Variants in PARP15 observed in about 807,000 individuals in gnomAD.
PARP15 encodes the protein poly(ADP-ribose) polymerase family member 15, also known as protein mono-ADP-ribosyltransferase PARP15.
A neutral mutation model predicts 62.1 loss-of-function variants in PARP15; 50 were observed. The observed-to-expected ratio is 0.81, with a 90% CI of 0.64 to 1.02. PARP15 has a LOEUF of 1.02. Among genes scored for constraint, PARP15 ranks in the 50% least tolerant of loss-of-function variants. The probability of loss-of-function intolerance (pLI) is 0.00; values close to 1 mark genes in which losing one functional copy is unlikely to be tolerated. For missense variants in PARP15, 820 were observed against 826.5 expected (o/e 0.99, Z 0.10); for synonymous variants, 309 against 293.1 (o/e 1.05, Z -0.55).
In PARP15 at chr3:122,615,765, G is replaced by A; in HGVS notation, c.772-14G>A. The A allele has an allele frequency of 6.2e-7, 1 of 1,609,868 alleles. No individual in the cohort carries two copies. The highest frequency in any genetic ancestry group is 8.5e-7 in the Non-Finnish European group (1 of 1,176,246). ...CACAATATTGTTGTAGTCAGTAACT[G>A]TTTCTATTTCCAGGCATTTTTAGAT... On this transcript the variant is annotated splice_polypyrimidine_tract_variant and intron_variant, in intron 4 of 11. Transcript: ENST00000464300.
chr3:122,637,466 G>A lies in PARP15; in HGVS notation c.*1366G>A, dbSNP rs1257094257. The stretch of plus-strand genomic sequence containing the variant: ...TCCTCTTACTGATGGTAGCCTTTCA[G>A]ATCCATCCCTTCCCTCCAGTATATT... On this transcript the variant is annotated 3_prime_UTR_variant, in exon 12 of 12. Coordinates refer to ENST00000464300, the MANE Select transcript of PARP15 (RefSeq NM_001113523.3). The A allele has an allele frequency of 6.6e-6, 1 of 152,136 alleles. No individual in the cohort carries two copies. Among genetic ancestry groups the A allele is most frequent in the Non-Finnish European group, 1.5e-5 (1 of 68,026 alleles). 9.4% of individuals were successfully genotyped at this position (152,136 alleles called of 1,614,324 possible). A position where few individuals can be genotyped will look rare whatever the true frequency, so the allele number is the denominator to read the frequency against.
At chr3:122,623,631 A>G (rs571305457) in intron 8 of PARP15, among the ~76,000 whole-genome samples, 3 of 152,330 alleles carry the variant, frequency 2.0e-5, no homozygotes, top group African/African-American at 4.8e-5. Flanking sequence ...GTGGGAGGCC[A>G]TGAAATGCTT....
chr3:122,583,114 C>CTTTTTTTTTTTTTTTTTTTT (rs67942585), intron 1 of PARP15, among the ~76,000 whole-genome samples: 1 of 83,444 alleles, frequency 1.2e-5, no homozygotes. Flanking sequence ...TCATCTGTAT[C>CTTTTTTTTTTTTTTTTTTTT]TTTTTTTTTT....
At chr3:122,601,630 T>C (rs541589100) in intron 1 of PARP15, among the ~76,000 whole-genome samples, 4 of 152,378 alleles carry the variant, frequency 2.6e-5, no homozygotes, top group Admixed American at 6.5e-5. Flanking sequence ...CTAAATAATA[T>C]TCTATCGTAT....
rs765815698 is a variant in PARP15 at position 122,617,023 on chromosome 3, G to A, written c.859G>A (p.Gly287Arg). ...ATTTTCTTTCTTTTCAGGTGTGGTC[G>A]GGACTGTCTCTAAGCCTTGTTTCAC... The part of the protein sequence containing the change: ...PMAGDTQGVV[G>R]TVSKPCFTAY... The change falls in exon 6 of 12, where the codon GGG (glycine) becomes AGG (arginine). Residue 287 changes from glycine (G) to arginine (R), a missense_variant. This residue lies in a region of PARP15 where 731 missense variants were observed against 727.7 expected (regional missense o/e 1.00). Transcript: ENST00000464300. The A allele has an allele frequency of 2.4e-5, 38 of 1,613,946 alleles. No homozygotes were observed. Among genetic ancestry groups the A allele is most frequent in the East Asian group, 1.6e-4 (7 of 44,894 alleles).
chr3:122,621,724 T>A, intron 8 of PARP15, 113 bp downstream of exon 8: 1 of 1,021,764 alleles, frequency 9.8e-7, no homozygotes, highest in Non-Finnish European at 1.3e-6. Flanking sequence ...AACAATGATG[T>A]AAATCAGAGA....
intron 1 of PARP15, chr3:122,594,804 A>G: frequency 1.0e-6 from 1 of 982,074 alleles, no homozygotes; most frequent in Non-Finnish European, 1.2e-6. Context: ...GCAACTTCAG[A>G]TTTCCTCAGA....
At position 122,606,148 on chromosome 3, in the gene PARP15, C is replaced by G. The variant is rs557156586; in HGVS notation, c.306+93C>G. Reference sequence around the variant, plus strand: ...TTCCATGATTTAATTTGTTCTTTATCTTAATCAAAGATTAAAGATATCAAA... The same window carrying G: ...TTCCATGATTTAATTTGTTCTTTATGTTAATCAAAGATTAAAGATATCAAA... On this transcript the variant is annotated intron_variant, in intron 2 of 11. Coordinates refer to ENST00000464300, the MANE Select transcript of PARP15 (RefSeq NM_001113523.3). 1,219 of 1,375,414 alleles carry G rather than the reference C, an allele frequency of 8.9e-4. 2 individuals carry two copies. The highest frequency in any genetic ancestry group is 1.0e-3 in the Non-Finnish European group (1,033 of 1,025,228). The allele number at this position is 1,375,414 out of a possible 1,614,324, so 85.2% of individuals were successfully genotyped here. A position where few individuals can be genotyped will look rare whatever the true frequency, so the allele number is the denominator to read the frequency against.
intron 2 of PARP15, among the ~76,000 whole-genome samples, chr3:122,606,919 A>C (rs1460138120): frequency 1.3e-5 from 2 of 152,172 alleles, no homozygotes; most frequent in Non-Finnish European, 2.9e-5. Flanking sequence ...ACTCTTCTGG[A>C]TTGTGAGCCA....
At chr3:122,633,396 G>T (rs901534530) in intron 10 of PARP15, among the ~76,000 whole-genome samples, 20 of 152,200 alleles carry the variant, frequency 1.3e-4, no homozygotes, top group African/African-American at 4.3e-4. Flanking sequence ...GGTGTTAAAA[G>T]CTGTTGGAAG....
chr3:122,578,188 T>G (rs554540491), intron 1 of PARP15, among the ~76,000 whole-genome samples: 39 of 152,034 alleles, frequency 2.6e-4, no homozygotes, highest in Non-Finnish European at 4.3e-4. Context: ...ATGGGGGGCT[T>G]TTGTTTCTCT....
In PARP15 at chr3:122,599,528, C is replaced by A. The variant is rs575097689; in HGVS notation, c.187-6408C>A. ...TCCTCGAATTTCTCTTTTTTCTTTT[C>A]TTTCCTTTCCTTTCTCTCTCTTTCT... On this transcript the variant is annotated intron_variant, in intron 1 of 11. Coordinates refer to ENST00000464300, the MANE Select transcript of PARP15 (RefSeq NM_001113523.3). 2.0e-3 allele frequency among the ~76,000 whole-genome samples: 15 copies of A among 7,406 alleles called. No homozygotes were observed. The East Asian group carries it at 0.093, about 46-fold the overall frequency. The allele number at this position is 7,406 out of a possible 152,430, so 4.9% of individuals were successfully genotyped here. A position where few individuals can be genotyped will look rare whatever the true frequency, so the allele number is the denominator to read the frequency against.
intron 8 of PARP15, among the ~76,000 whole-genome samples, chr3:122,624,846 T>C (rs762046099): frequency 6.6e-6 from 1 of 152,176 alleles, no homozygotes; most frequent in Non-Finnish European, 1.5e-5. Context: ...ATTGTATACT[T>C]ATTCTTTTTC....
intron 8 of PARP15, among the ~76,000 whole-genome samples, chr3:122,623,903 C>G (rs6788800): frequency 0.22 from 34,076 of 151,970 alleles, 5,972 homozygotes; most frequent in African/African-American, 0.5. Context: ...TAGCACTTTG[C>G]GGGGCTGAGG....
At chr3:122,616,973 A>G in intron 5 of PARP15, 42 bp from the exon 6 acceptor site, 1 of 1,601,312 alleles carries the variant, frequency 6.2e-7, no homozygotes, top group Non-Finnish European at 8.5e-7. Flanking sequence ...TTCCTCCAGA[A>G]GCTGAGCCAG....
intron 4 of PARP15, 69 bp downstream of exon 4, chr3:122,613,337 A>G (rs1162933864): frequency 3.9e-6 from 5 of 1,297,266 alleles, no homozygotes; most frequent in South Asian, 1.3e-5. Flanking sequence ...GTTTTTATAG[A>G]TCTAGGAATA....
rs987928379 is a variant in PARP15, at chr3:122,636,459, G to T, written c.*359G>T. The T allele has an allele frequency of 4.7e-5, 11 of 234,048 alleles. No homozygotes were observed. Among genetic ancestry groups the T allele is most frequent in the Middle Eastern group, 1.7e-3 (1 of 598 alleles). The allele number at this position is 234,048 out of a possible 1,614,324, so 14.5% of individuals were successfully genotyped here. On this transcript the variant is annotated 3_prime_UTR_variant, in exon 12 of 12. Coordinates refer to ENST00000464300, the MANE Select transcript of PARP15 (RefSeq NM_001113523.3). ...TCTTCTTGGAACATGTTAAGACATC[G>T]AATGGTGGCGGGTTAAACTGTACTG...
chr3:122,619,666 G>C (rs1936212252), intron 6 of PARP15, 115 bp from the exon 7 acceptor site: 1 of 862,616 alleles, frequency 1.2e-6, no homozygotes, highest in South Asian at 1.4e-5. Context: ...GGGCGTGGGG[G>C]TGGTCAATGG....
chr3:122,624,362 G>T (rs1283987046), intron 8 of PARP15, among the ~76,000 whole-genome samples: 1 of 152,120 alleles, frequency 6.6e-6, no homozygotes, highest in East Asian at 1.9e-4. Context: ...TATATAGGGT[G>T]ATCAATTCTT....
Sources: allele counts gnomAD v4.1 joint callset (sites outside exome capture counted in the v4.1 genomes callset), GRCh38; gene constraint gnomAD v4.1.1; regional missense constraint gnomAD v4.1.1; transcripts MANE v1.5; gene names NCBI Gene and HGNC (gene_info 2026-07-23, HGNC 2026-07-21).